The following MPPED2 variants were observed in gnomAD, a reference collection of about 807,000 sequenced individuals.
MPPED2 encodes metallophosphoesterase MPPED2.
Under a neutral mutation model 33.0 loss-of-function variants are expected in MPPED2, and 5 were observed. The observed-to-expected ratio is 0.15, with a 90% CI of 0.08 to 0.32. The LOEUF (loss-of-function observed/expected upper bound fraction) is 0.32, where lower values mean the gene tolerates loss of function less well. Ranked by LOEUF, MPPED2 falls within the 10% of genes least tolerant of loss-of-function variation. The pLI, the probability that MPPED2 is intolerant of heterozygous loss-of-function variation, is 1.00. For synonymous variants in MPPED2, 136 were observed against 141.9 expected, an observed-to-expected ratio of 0.96 and a Z score of 0.29; for missense variants, 275 against 372.1, an observed-to-expected ratio of 0.74 and a Z score of 2.15.
chr11:30,428,273 C>A (rs1050143066), intron 4 of MPPED2, among the ~76,000 whole-genome samples: 10 of 152,228 alleles, frequency 6.6e-5, no homozygotes, highest in Non-Finnish European at 1.5e-4. Flanking sequence ...ATGCACACAA[C>A]ATTATATATC....
intron 6 of MPPED2, among the ~76,000 whole-genome samples, chr11:30,404,712 T>A (rs1040733659): frequency 2.0e-5 from 3 of 152,236 alleles, no homozygotes; most frequent in African/African-American, 7.2e-5. Flanking sequence ...CCTTCATGTG[T>A]CAATATCTTG....
intron 4 of MPPED2, among the ~76,000 whole-genome samples, chr11:30,462,986 T>A (rs1175023811): frequency 6.6e-6 from 1 of 152,280 alleles, no homozygotes; most frequent in African/African-American, 2.4e-5. Context: ...TTGACTTTCC[T>A]AAAGAACCTG....
intron 3 of MPPED2, among the ~76,000 whole-genome samples, chr11:30,514,170 G>T (rs1323654586): frequency 6.6e-6 from 1 of 152,180 alleles, no homozygotes; most frequent in Admixed American, 6.5e-5. Context: ...ACCCAGGTGA[G>T]GGTATCTTGA....
intron 4 of MPPED2, among the ~76,000 whole-genome samples, chr11:30,489,880 C>T (rs1205453991): frequency 6.6e-6 from 1 of 151,528 alleles, no homozygotes; most frequent in Non-Finnish European, 1.5e-5. Context: ...TCACTTTCTG[C>T]AGCTTGGCTG....
At chr11:30,571,243 C>A (rs1377248756) in intron 2 of MPPED2, among the ~76,000 whole-genome samples, 3 of 149,806 alleles carry the variant, frequency 2.0e-5, no homozygotes, top group Non-Finnish European at 4.4e-5. Flanking sequence ...AGCTTATATT[C>A]TTGATTTGTG....
chr11:30,415,561 A>G (rs951612522), intron 5 of MPPED2, among the ~76,000 whole-genome samples: 4 of 152,172 alleles, frequency 2.6e-5, no homozygotes, highest in African/African-American at 7.2e-5. Flanking sequence ...ACGTTTTCAC[A>G]AGAATCCCAA....
chr11:30,536,140 G>C lies in MPPED2; in HGVS notation c.164C>G (p.Ala55Gly). 1.2e-6 allele frequency: 2 copies of C among 1,610,658 alleles called. No individual in the cohort carries two copies. Among genetic ancestry groups the C allele is most frequent in the Non-Finnish European group, 1.7e-6 (2 of 1,178,618 alleles). Residue 55 changes from alanine to glycine, a missense_variant, in exon 3 of 7, where the codon GCG becomes GGG. Coordinates refer to ENST00000358117, the MANE Select transcript of MPPED2 (RefSeq NM_001584.3). ...DPIPYDTPKPAGHTRFVCISD... is the reference protein window; with the variant it reads ...DPIPYDTPKPGGHTRFVCISD... Reference sequence around the variant, plus strand: ...GATGCAGACAAACCGCGTGTGGCCCGCTGGTTTTGGAGTGTCATATGGGAT... The same window carrying C: ...GATGCAGACAAACCGCGTGTGGCCCCCTGGTTTTGGAGTGTCATATGGGAT...
intron 4 of MPPED2, among the ~76,000 whole-genome samples, chr11:30,437,544 G>A (rs1949376559): frequency 6.6e-6 from 1 of 152,124 alleles, no homozygotes; most frequent in African/African-American, 2.4e-5. Flanking sequence ...TGTCACCTAG[G>A]CATGACTCTG....
rs575591658 is a variant in MPPED2 at position 30,515,391 on chromosome 11, T to C, written c.311-19870A>G. Among the ~76,000 whole-genome samples, 6 of 152,228 alleles carry C rather than the reference T, an allele frequency of 3.9e-5. No homozygotes were observed. The East Asian group carries it at 1.2e-3, about 29-fold the overall frequency. ...TTATGAGGACTCGTCAGTAGAGAAT[T>C]TGATTTAATAAGTCTGAACTAGATT... On this transcript the variant is annotated intron_variant, in intron 3 of 6. Coordinates refer to ENST00000358117, the MANE Select transcript of MPPED2 (RefSeq NM_001584.3).
chr11:30,550,924 A>G (rs1268074904), intron 2 of MPPED2, among the ~76,000 whole-genome samples: 3 of 152,212 alleles, frequency 2.0e-5, no homozygotes, highest in Non-Finnish European at 2.9e-5. Context: ...AAACCCAAAG[A>G]AAGTTAACTA....
chr11:30,456,478 A>G (rs1435484916), intron 4 of MPPED2, among the ~76,000 whole-genome samples: 1 of 152,170 alleles, frequency 6.6e-6, no homozygotes. Context: ...GCGGTAAAGC[A>G]GAGTTGATAA....
chr11:30,422,192 G>A (rs184402070), intron 4 of MPPED2, among the ~76,000 whole-genome samples: 38 of 152,272 alleles, frequency 2.5e-4, no homozygotes, highest in Non-Finnish European at 1.2e-4. Flanking sequence ...GAAATCTTAC[G>A]CAGAAATGCA....
chr11:30,410,133 A>C, downstream of MPPED2: 1 of 985,340 alleles, frequency 1.0e-6, no homozygotes, highest in African/African-American at 1.7e-5. Context: ...ATTCTTCTGA[A>C]AGGCATTACT....
At chr11:30,522,448 T>C (rs1953928089) in intron 3 of MPPED2, among the ~76,000 whole-genome samples, 1 of 151,044 alleles carries the variant, frequency 6.6e-6, no homozygotes, top group South Asian at 2.1e-4. Context: ...ATAAAGCAAA[T>C]GTAGCAAAAC....
intron 4 of MPPED2, among the ~76,000 whole-genome samples, chr11:30,462,368 A>G (rs1226711681): frequency 6.6e-6 from 1 of 152,168 alleles, no homozygotes; most frequent in Admixed American, 6.5e-5. Context: ...GAGAGCAAAA[A>G]TCACCCACAA....
At position 30,509,481 on chromosome 11, in the gene MPPED2, A is replaced by G. The variant is rs1169077246; in HGVS notation, c.311-13960T>C. 2.0e-5 allele frequency among the ~76,000 whole-genome samples: 3 copies of G among 152,228 alleles called. No homozygotes were observed. The East Asian group carries it at 5.8e-4, about 29-fold the overall frequency. Reference sequence around the variant, plus strand: ...GAAGGTGCCTGTATTTCTTCATTGTATCCCTTCATCTGAAAGTTTTCACCC... The same window carrying G: ...GAAGGTGCCTGTATTTCTTCATTGTGTCCCTTCATCTGAAAGTTTTCACCC... On this transcript the variant is annotated intron_variant, in intron 3 of 6. Coordinates refer to ENST00000358117, the MANE Select transcript of MPPED2 (RefSeq NM_001584.3).
intron 6 of MPPED2, among the ~76,000 whole-genome samples, chr11:30,392,452 C>T (rs901808527): frequency 1.3e-5 from 2 of 152,182 alleles, no homozygotes; most frequent in African/African-American, 2.4e-5. Flanking sequence ...TAGGCAACAG[C>T]AACAAACTTG....
intron 3 of MPPED2, chr11:30,504,894 C>T: frequency 1.1e-6 from 1 of 915,446 alleles, no homozygotes; most frequent in Non-Finnish European, 1.5e-6. Flanking sequence ...GCCAGAAACC[C>T]AGGAGAAGGC....
At chr11:30,524,905 A>C (rs1385987162) in intron 3 of MPPED2, among the ~76,000 whole-genome samples, 1 of 152,218 alleles carries the variant, frequency 6.6e-6, no homozygotes, top group Non-Finnish European at 1.5e-5. Flanking sequence ...GTCTCCAGTT[A>C]GATGCAAGTA....
Sources: gnomAD v4.1 joint callset for allele counts (sites outside exome capture counted in the v4.1 genomes callset) on GRCh38, gnomAD v4.1.1 for gene constraint, MANE v1.5 for transcripts, NCBI Gene and HGNC (gene_info 2026-07-23, HGNC 2026-07-21) for gene names.